TTN: variants seen among roughly 807,000 people sequenced by gnomAD.
TTN encodes connectin.
TTN carries 1,525 observed loss-of-function variants against 3,223.0 expected under a neutral mutation model. That is an observed-to-expected ratio of 0.47 (90% CI 0.45 to 0.49). The LOEUF is 0.49. Among genes scored for constraint, TTN ranks in the 20% least tolerant of loss-of-function variants. The pLI is 0.00. For missense variants in TTN, 40,786 were observed against 43,424.0 expected, an observed-to-expected ratio of 0.94 and a Z score of 5.40; for synonymous variants, 14,094 against 15,161.0, an observed-to-expected ratio of 0.93 and a Z score of 5.17.
In TTN at chr2:178,752,986, G is replaced by A. The variant is rs2085961591; in HGVS notation, c.11311+138C>T. The stretch of plus-strand genomic sequence containing the variant: ...AATTCTAAACCAAGCATGCGACATA[G>A]TAATATATACTCTAAGAGATATATT... On this transcript the variant is annotated intron_variant, in intron 47 of 362. Coordinates refer to ENST00000589042, the MANE Select transcript of TTN (RefSeq NM_001267550.2). 5.1e-6 allele frequency: 3 copies of A among 583,264 alleles called. No homozygotes were observed. In the South Asian group the frequency reaches 9.2e-5, roughly 18 times the overall value. The allele number at this position is 583,264 out of a possible 1,614,324, so 36.1% of individuals were successfully genotyped here. A position where few individuals can be genotyped will look rare whatever the true frequency, so the allele number is the denominator to read the frequency against.
intron 47 of TTN, chr2:178,750,514 AT>A (rs2085150586): frequency 6.2e-7 from 1 of 1,612,654 alleles, no homozygotes; most frequent in African/African-American, 1.3e-5. Flanking sequence ...GACACACAAA[AT>A]TACAACTGTC....
Position 178,784,174 on chromosome 2 carries a change from T to G in TTN, c.2671A>C (p.Lys891Gln). ...FPFADTPDTY[K>Q]SEAGVEVKKE... Reference sequence around the variant, plus strand: ...TTCACCTCAACGCCAGCTTCACTCTTGTAAGTATCTGGTGTGTCAGCGAAG... The same window carrying G: ...TTCACCTCAACGCCAGCTTCACTCTGGTAAGTATCTGGTGTGTCAGCGAAG... The change falls in exon 16 of 363, where the codon AAG (lysine) becomes CAG (glutamine). Residue 891 changes from lysine (K) to glutamine (Q), a missense_variant. Lys to Gln is a moderately conservative substitution (Grantham distance 53). Transcript: ENST00000589042. 2 of 1,614,142 alleles carry G rather than the reference T, an allele frequency of 1.2e-6. No individual in the cohort carries two copies. The highest frequency in any genetic ancestry group is 1.7e-6 in the Non-Finnish European group (2 of 1,179,988).
At position 178,733,503 on chromosome 2, in the gene TTN, T is replaced by C; in HGVS notation, c.15790A>G (p.Ile5264Val). The change falls in exon 54 of 363, where the codon ATT becomes GTT. Residue 5264 changes from isoleucine to valine, a missense_variant. Ile to Val is a conservative substitution (Grantham distance 29). Coordinates refer to ENST00000589042, the MANE Select transcript of TTN (RefSeq NM_001267550.2). ...ELIVKEPAKI[I>V]ERAELIQVTA... is the part of the protein sequence containing the mutation. ...ACCTGGATCAGTTCTGCTCGCTCAA[T>C]GATTTTGGCAGGTTCTACAATGGTA... 6.2e-7 allele frequency: 1 copy of C among 1,610,450 alleles called. No homozygotes were observed. The highest frequency in any genetic ancestry group is 8.5e-7 in the Non-Finnish European group (1 of 1,177,412).
intron 284 of TTN, 39 bp from the exon 285 acceptor site, chr2:178,601,953 T>TC (rs1484618414): frequency 6.2e-7 from 1 of 1,612,684 alleles, no homozygotes; most frequent in South Asian, 1.1e-5. Flanking sequence ...GTATAAATAC[T>TC]CCTTATAGTG....
At position 178,730,676 on chromosome 2, in the gene TTN, AC is replaced by A. The variant is rs2080292019; in HGVS notation, c.17856del (p.Trp5952CysfsTer55). 1 of 1,613,504 alleles carries A rather than the reference AC, an allele frequency of 6.2e-7. No individual in the cohort carries two copies. The highest frequency in any genetic ancestry group is 1.3e-5 in the African/African-American group (1 of 74,868). On this transcript the variant is annotated frameshift_variant, in exon 61 of 363. Transcript: ENST00000589042. LOFTEE classifies it high-confidence loss of function. The part of the protein sequence containing the change: ...VAGSHPISIQ[W>X]FKDDQEISAS... ...GCTGATATTTCTTGGTCATCTTTGAACCACTGGATGCTTATGGGATGTGACC... is the reference window on the plus strand; with the variant it reads ...GCTGATATTTCTTGGTCATCTTTGAACACTGGATGCTTATGGGATGTGACC...
chr2:178,770,409 T>G lies in TTN; in HGVS notation c.8380+3A>C. Reference sequence around the variant, plus strand: ...CTTGAAAAGTGTTTCTAAATCAACTTACTCTCCACGTGCAGTCTGGCACTG... The same window carrying G: ...CTTGAAAAGTGTTTCTAAATCAACTGACTCTCCACGTGCAGTCTGGCACTG... On this transcript the variant is annotated splice_donor_region_variant and intron_variant, in intron 35 of 362. Transcript: ENST00000589042. The G allele has an allele frequency of 6.2e-7, 1 of 1,614,164 alleles. No individual in the cohort carries two copies. Among genetic ancestry groups the G allele is most frequent in the Non-Finnish European group, 8.5e-7 (1 of 1,180,010 alleles).
chr2:178,723,409 T>C lies in TTN; in HGVS notation c.21682+9A>G. ...AGAAAACAGAAAAAGTGAATCCACTTGAGCAAACCTTTCACAAAGAGACGG... is the reference window on the plus strand; with the variant it reads ...AGAAAACAGAAAAAGTGAATCCACTCGAGCAAACCTTTCACAAAGAGACGG... On this transcript the variant is annotated intron_variant, in intron 74 of 362. Coordinates refer to ENST00000589042, the MANE Select transcript of TTN (RefSeq NM_001267550.2). 6.2e-7 allele frequency: 1 copy of C among 1,608,052 alleles called. No individual in the cohort carries two copies. Among genetic ancestry groups the C allele is most frequent in the Non-Finnish European group, 8.5e-7 (1 of 1,176,666 alleles).
At position 178,608,349 on chromosome 2, in the gene TTN, T is replaced by C. The variant is rs528550177; in HGVS notation, c.52534A>G (p.Asn17512Asp). The C allele has an allele frequency of 1.9e-6, 3 of 1,612,280 alleles. No individual in the cohort carries two copies. The highest frequency in any genetic ancestry group is 1.7e-5 in the Admixed American group (1 of 59,886). Reference sequence around the variant, plus strand: ...TTGACACGAGACCAATGTGTACTGTTAACTTCACGTTTTTCAAGCCAGTAA... The same window carrying C: ...TTGACACGAGACCAATGTGTACTGTCAACTTCACGTTTTTCAAGCCAGTAA... Reference protein sequence around the residue: ...LGYWLEKREVNSTHWSRVNKS... With the variant: ...LGYWLEKREVDSTHWSRVNKS... Residue 17512 changes from asparagine to aspartate, a missense_variant, in exon 275 of 363, where the codon AAC (asparagine) becomes GAC (aspartate). Transcript: ENST00000589042.
chr2:178,715,341 A>G, intron 89 of TTN, 77 bp from the exon 90 acceptor site: 1 of 1,515,638 alleles, frequency 6.6e-7, no homozygotes, highest in African/African-American at 1.4e-5. Context: ...CTTCCACTCC[A>G]TCAGAGAGAT....
At chr2:178,536,686 C>T (rs1209557595) in intron 356 of TTN, 111 bp from the exon 357 acceptor site, 10 of 994,086 alleles carry the variant, frequency 1.0e-5, no homozygotes, top group Non-Finnish European at 1.4e-5. Context: ...TAAAAAATAG[C>T]TATTCCAGAA....
intron 252 of TTN, 38 bp downstream of exon 252, chr2:178,618,151 A>G (rs773666627): frequency 6.2e-7 from 1 of 1,609,866 alleles, no homozygotes; most frequent in South Asian, 1.1e-5. Flanking sequence ...ACTGCAATTT[A>G]CTTAAAAGCT....
chr2:178,806,337 C>A (rs1000257341), intron 1 of TTN, among the ~76,000 whole-genome samples: 1 of 152,130 alleles, frequency 6.6e-6, no homozygotes, highest in Non-Finnish European at 1.5e-5. Context: ...AATTATATAT[C>A]TATGTATTTA....
chr2:178,573,914 G>C lies in TTN; in HGVS notation c.72218C>G (p.Thr24073Arg), dbSNP rs753519331. The change falls in exon 326 of 363, where the codon ACA (threonine) becomes AGA (arginine). Residue 24073 changes from threonine (T) to arginine (R), a missense_variant. Thr to Arg is a moderately conservative substitution (Grantham distance 71). Transcript: ENST00000589042. ...TGCAATTTTTATTTCTAACTTTGCTGTGCCTTCCAGCTCTTTTCCATCTTT... is the reference window on the plus strand; with the variant it reads ...TGCAATTTTTATTTCTAACTTTGCTCTGCCTTCCAGCTCTTTTCCATCTTT... The part of the protein sequence containing the change: ...WSKDGKELEG[T>R]AKLEIKIADF... The C allele has an allele frequency of 6.2e-6, 10 of 1,612,340 alleles. No individual in the cohort carries two copies. The South Asian group carries it at 1.1e-4, about 18-fold the overall frequency.
chr2:178,776,568 C>T lies in TTN; in HGVS notation c.5296G>A (p.Val1766Ile), dbSNP rs149494502. The T allele has an allele frequency of 3.5e-5, 57 of 1,613,160 alleles. No individual in the cohort carries two copies. Among genetic ancestry groups the T allele is most frequent in the African/African-American group, 2.4e-4 (18 of 74,882 alleles). Residue 1766 changes from valine (V) to isoleucine (I), a missense_variant, in exon 28 of 363, where the codon GTT becomes ATT. By Grantham distance (29) the Val-to-Ile change is conservative (BLOSUM62 3). Transcript: ENST00000589042. Reference protein sequence around the residue: ...EFGYCSLDYGVAYSRDSGIIT... With the variant: ...EFGYCSLDYGIAYSRDSGIIT... ...ATACCACTGTCTCTAGAATATGCAA[C>T]GCCATAATCAAGGCTGCAGTACCCA...
At position 178,602,604 on chromosome 2, in the gene TTN, A is replaced by G; in HGVS notation, c.54812-14T>C. ...GCCCCGGTGGAACTAATAACAAAAG[A>G]AAAAAAAAAGCTTCATCAGATTTTG... On this transcript the variant is annotated splice_polypyrimidine_tract_variant and intron_variant, in intron 282 of 362. Coordinates refer to ENST00000589042, the MANE Select transcript of TTN (RefSeq NM_001267550.2). 7.3e-7 allele frequency: 1 copy of G among 1,368,076 alleles called. No homozygotes were observed. Among genetic ancestry groups the G allele is most frequent in the Non-Finnish European group, 9.6e-7 (1 of 1,043,018 alleles). 84.7% of individuals were successfully genotyped at this position (1,368,076 alleles called of 1,614,324 possible). A position where few individuals can be genotyped will look rare whatever the true frequency, so the allele number is the denominator to read the frequency against.
At chr2:178,715,396 C>T in intron 89 of TTN, 97 bp downstream of exon 89, 1 of 1,520,098 alleles carries the variant, frequency 6.6e-7, no homozygotes, top group Non-Finnish European at 8.8e-7. Flanking sequence ...TGTCCTTTCC[C>T]TATTTTAAAA....
rs1709298098 is a variant in TTN at position 178,574,281 on chromosome 2, T to G, written c.71851A>C (p.Thr23951Pro). ...VTLKWAKPEY[T>P]GGFKITSYIV... ...TAACTGGTAATTTTAAAGCCCCCAGTATATTCAGGCTTAGCCCATTTAAGT... is the reference window on the plus strand; with the variant it reads ...TAACTGGTAATTTTAAAGCCCCCAGGATATTCAGGCTTAGCCCATTTAAGT... The change falls in exon 326 of 363, where the codon ACT (threonine) becomes CCT (proline). Residue 23951 changes from threonine to proline, a missense_variant. Thr to Pro is a conservative substitution (Grantham distance 38). Transcript: ENST00000589042. 1 of 1,613,176 alleles carries G rather than the reference T, an allele frequency of 6.2e-7. No individual in the cohort carries two copies. Among genetic ancestry groups the G allele is most frequent in the African/African-American group, 1.3e-5 (1 of 74,886 alleles).
Position 178,684,345 on chromosome 2 carries a change from G to C in TTN, c.32707C>G (p.Pro10903Ala). Reference sequence around the variant, plus strand: ...GCGGATGTACCTCTTGCTTTTGGAGGCGCCTCTTTTTTAGTTACAGCAACA... The same window carrying C: ...GCGGATGTACCTCTTGCTTTTGGAGCCGCCTCTTTTTTAGTTACAGCAACA... ...VLVAVTKKEA[P>A]PKARVPEEPK... Residue 10903 changes from proline to alanine, a missense_variant, in exon 132 of 363, where the codon CCT (proline) becomes GCT (alanine). Pro to Ala is a conservative substitution (Grantham distance 27). Coordinates refer to ENST00000589042, the MANE Select transcript of TTN (RefSeq NM_001267550.2). 1 of 1,613,396 alleles carries C rather than the reference G, an allele frequency of 6.2e-7. No individual in the cohort carries two copies. The highest frequency in any genetic ancestry group is 8.5e-7 in the Non-Finnish European group (1 of 1,179,588).
Position 178,636,604 on chromosome 2 carries a change from C to T in TTN, c.41123G>A (p.Cys13708Tyr). Residue 13708 changes from cysteine (C) to tyrosine (Y), a missense_variant, in exon 225 of 363, where the codon TGT becomes TAT. Coordinates refer to ENST00000589042, the MANE Select transcript of TTN (RefSeq NM_001267550.2). The surrounding 1 kb of genome is among the most constrained non-coding windows in gnomAD (Gnocchi z 4.3). ...EFVGSSAIFE[C>Y]LVSPSTAITT... ...AATTGCAGTGGAAGGGGAGACCAAA[C>T]ATTCAAAGATTGCTGAAGAGCCAAC... The T allele has an allele frequency of 6.2e-7, 1 of 1,613,448 alleles. No homozygotes were observed.
Sources: allele counts gnomAD v4.1 joint callset (sites outside exome capture counted in the v4.1 genomes callset), GRCh38; gene constraint gnomAD v4.1.1; non-coding constraint Gnocchi (gnomAD v3.1); transcripts MANE v1.5; gene names NCBI Gene and HGNC (gene_info 2026-07-23, HGNC 2026-07-21).